Variants in ZNF90 observed in about 807,000 individuals in gnomAD.
ZNF90 encodes the protein zinc finger protein HTF9.
ZNF90 carries 11 observed loss-of-function variants against 12.0 expected under a neutral mutation model. The observed-to-expected ratio is 0.92, with a 90% CI of 0.58 to 1.52. ZNF90 has a LOEUF of 1.52. ZNF90 is among the 40% of genes most tolerant of loss of function. The pLI is 0.00. For synonymous variants in ZNF90, 232 were observed against 240.1 expected (o/e 0.97, Z 0.31); for missense variants, 765 against 711.5 (o/e 1.08, Z -0.86).
In ZNF90 at chr19:20,121,068, C is replaced by T. The variant is rs2089190760; in HGVS notation, c.*1708C>T. The stretch of plus-strand genomic sequence containing the variant: ...TAGTGTTCAGAGTAATACTTTTCTA[C>T]ATTATAGTGAGAGAAATTATGAATT... On this transcript the variant is annotated 3_prime_UTR_variant, in exon 4 of 4. Transcript: ENST00000418063. The T allele has an allele frequency of 1.1e-5, 2 of 177,866 alleles. No individual in the cohort carries two copies. Among genetic ancestry groups the T allele is most frequent in the East Asian group, 1.7e-4 (1 of 6,002 alleles). The allele number at this position is 177,866 out of a possible 1,614,324, so 11.0% of individuals were successfully genotyped here. A position where few individuals can be genotyped will look rare whatever the true frequency, so the allele number is the denominator to read the frequency against.
At chr19:20,095,637 C>A (rs183099269) in intron 1 of ZNF90, among the ~76,000 whole-genome samples, 16 of 151,412 alleles carry the variant, frequency 1.1e-4, no homozygotes, top group Non-Finnish European at 2.1e-4. Context: ...GGGATTGGGG[C>A]ACAGATAAGA....
rs2089163908 is a variant in ZNF90 at position 20,118,545 on chromosome 19, C to T, written c.991C>T (p.His331Tyr). Residue 331 changes from histidine to tyrosine, a missense_variant, in exon 4 of 4, where the codon CAT becomes TAT. Physicochemically the swap from His to Tyr is moderately conservative, Grantham distance 83. Coordinates refer to ENST00000418063, the MANE Select transcript of ZNF90 (RefSeq NM_007138.2). ...CAAGCTCTCCTCAATCCTTAGTACA[C>T]ATAAGAGAATCCATACTGGAGAGAA... Reference protein sequence around the residue: ...AFKLSSILSTHKRIHTGEKPY... With the variant: ...AFKLSSILSTYKRIHTGEKPY... 1.9e-6 allele frequency: 3 copies of T among 1,613,448 alleles called. No individual in the cohort carries two copies. In the African/African-American group the frequency reaches 4.0e-5, roughly 22 times the overall value.
chr19:20,119,306 G>A lies in ZNF90; in HGVS notation c.1752G>A (p.Lys584=), dbSNP rs782753176. ...TGTCCTCAGACCTTAATACACATAA[G>A]AGGATTCATATTGGACAGAAAGCCT... ...FNLSSDLNTH[K]RIHIGQKAYI... Residue 584 remains lysine (K), a synonymous_variant, in exon 4 of 4, where the codon AAG becomes AAA. Transcript: ENST00000418063. 3.1e-6 allele frequency: 5 copies of A among 1,610,176 alleles called. No individual in the cohort carries two copies. The highest frequency in any genetic ancestry group is 4.2e-6 in the Non-Finnish European group (5 of 1,178,120).
chr19:20,083,726 TTATG>T (rs1324193639), intron 1 of ZNF90, among the ~76,000 whole-genome samples: 5 of 152,210 alleles, frequency 3.3e-5, no homozygotes, highest in African/African-American at 9.7e-5. Context: ...TTCATGATGT[TTATG>T]TATCATATTT....
In ZNF90 at chr19:20,119,245, C is replaced by T. The variant is rs782192463; in HGVS notation, c.1691C>T (p.Pro564Leu). 5.6e-6 allele frequency: 9 copies of T among 1,613,766 alleles called. No individual in the cohort carries two copies. The East Asian group carries it at 1.8e-4, about 32-fold the overall frequency. ...AAGATAAGTCATACTGGAGAGAAACCCTACAAATGTGAAGAATGTGGCAAA... is the reference window on the plus strand; with the variant it reads ...AAGATAAGTCATACTGGAGAGAAACTCTACAAATGTGAAGAATGTGGCAAA... The part of the protein sequence containing the change: ...SHKISHTGEK[P>L]YKCEECGKAF... The change falls in exon 4 of 4, where the codon CCC becomes CTC. Residue 564 changes from proline to leucine, a missense_variant. Coordinates refer to ENST00000418063, the MANE Select transcript of ZNF90 (RefSeq NM_007138.2).
At chr19:20,110,310 G>C (rs978331635) in intron 3 of ZNF90, among the ~76,000 whole-genome samples, 1 of 151,980 alleles carries the variant, frequency 6.6e-6, no homozygotes, top group South Asian at 2.1e-4. Flanking sequence ...ATGGAGTCTT[G>C]CTCTGTTGCC....
At position 20,102,431 on chromosome 19, in the gene ZNF90, A is replaced by G. The variant is rs111397153; in HGVS notation, c.4-1808A>G. Among the ~76,000 whole-genome samples, 1,304 of 152,288 alleles carry G rather than the reference A, an allele frequency of 8.6e-3. 29 individuals carry two copies. Among genetic ancestry groups the G allele is most frequent in the African/African-American group, 0.03 (1,229 of 41,554 alleles). On this transcript the variant is annotated intron_variant, in intron 1 of 3. Coordinates refer to ENST00000418063, the MANE Select transcript of ZNF90 (RefSeq NM_007138.2). Reference sequence around the variant, plus strand: ...TCAGAATTAGCTTAGACTGTGGTCCAACCCTAGCCAATAGCAGAAAGACAC... The same window carrying G: ...TCAGAATTAGCTTAGACTGTGGTCCGACCCTAGCCAATAGCAGAAAGACAC...
At chr19:20,109,416 A>T (rs1484037518) in intron 3 of ZNF90, among the ~76,000 whole-genome samples, 1 of 152,062 alleles carries the variant, frequency 6.6e-6, no homozygotes. Flanking sequence ...CCATGTGTTT[A>T]ATAATTAATA....
intron 1 of ZNF90, among the ~76,000 whole-genome samples, chr19:20,088,927 G>A (rs1319290545): frequency 1.3e-5 from 2 of 152,150 alleles, no homozygotes; most frequent in Non-Finnish European, 2.9e-5. Context: ...GGGGAACAGG[G>A]AGCTCTTCGG....
At chr19:20,078,511 A>G (rs767007231) in intron 1 of ZNF90, among the ~76,000 whole-genome samples, 9 of 151,980 alleles carry the variant, frequency 5.9e-5, no homozygotes, top group East Asian at 1.9e-4. Flanking sequence ...CTTTTCTCCT[A>G]TTAAAAACTT....
intron 1 of ZNF90, among the ~76,000 whole-genome samples, chr19:20,102,638 AATCTTAAAAATGT>A (rs1354349881): frequency 3.3e-5 from 5 of 152,228 alleles, no homozygotes; most frequent in African/African-American, 1.2e-4. Context: ...TCCAACATGC[AATCTTAAAAATGT>A]TTCCTTTGTA....
At chr19:20,093,185 G>A (rs909181655) in intron 1 of ZNF90, among the ~76,000 whole-genome samples, 1 of 128,136 alleles carries the variant, frequency 7.8e-6, no homozygotes, top group Admixed American at 7.4e-5. Flanking sequence ...AGGGTGGATA[G>A]GCAAAACAAT....
chr19:20,115,206 A>G (rs1398154586), intron 3 of ZNF90, among the ~76,000 whole-genome samples: 2 of 152,128 alleles, frequency 1.3e-5, no homozygotes, highest in Non-Finnish European at 2.9e-5. Flanking sequence ...TTTTGTTATT[A>G]GATCTCAACT....
At chr19:20,082,016 G>C (rs560701824) in intron 1 of ZNF90, among the ~76,000 whole-genome samples, 1 of 151,844 alleles carries the variant, frequency 6.6e-6, no homozygotes, top group Non-Finnish European at 1.5e-5. Context: ...CACCCGCCTC[G>C]GCCTCCTAAA....
chr19:20,087,383 TG>T (rs2088867378), intron 1 of ZNF90: 2 of 152,584 alleles, frequency 1.3e-5, no homozygotes, highest in South Asian at 4.1e-4. Flanking sequence ...CTGAATAAGC[TG>T]GGCTGTCACA....
At chr19:20,109,015 G>T (rs1555704739) in intron 3 of ZNF90, among the ~76,000 whole-genome samples, 1 of 152,110 alleles carries the variant, frequency 6.6e-6, no homozygotes, top group African/African-American at 2.4e-5. Context: ...GAGCCACCGT[G>T]CCCGGCTTCA....
In ZNF90 at chr19:20,105,288, G is replaced by A; in HGVS notation, c.198G>A (p.Lys66=). 1.9e-6 allele frequency: 3 copies of A among 1,607,674 alleles called. No individual in the cohort carries two copies. Among genetic ancestry groups the A allele is most frequent in the Admixed American group, 1.7e-5 (1 of 59,592 alleles). Residue 66 remains lysine (K), a synonymous_variant, in exon 3 of 4, where the codon AAG becomes AAA. Coordinates refer to ENST00000418063, the MANE Select transcript of ZNF90 (RefSeq NM_007138.2). ...LEQGKKPFTV[K]RHEMIAKSPV... The stretch of plus-strand genomic sequence containing the variant: ...AAGGAAAAAAACCCTTCACTGTGAA[G>A]AGACATGAGATGATTGCCAAATCCC...
chr19:20,098,572 A>G (rs2088965996), intron 1 of ZNF90, among the ~76,000 whole-genome samples: 1 of 152,220 alleles, frequency 6.6e-6, no homozygotes, highest in South Asian at 2.1e-4. Context: ...CTCTTATCCA[A>G]GAGCTAGCAA....
At chr19:20,079,866 C>G (rs994147189) in intron 1 of ZNF90, 2 of 404,002 alleles carry the variant, frequency 5.0e-6, no homozygotes, top group African/African-American at 4.3e-5. Flanking sequence ...AAGCAAGAAG[C>G]TGCCCTGCTG....
Sources: allele counts gnomAD v4.1 joint callset (sites outside exome capture counted in the v4.1 genomes callset), GRCh38; gene constraint gnomAD v4.1.1; transcripts MANE v1.5; gene names NCBI Gene and HGNC (gene_info 2026-07-23, HGNC 2026-07-21).